The following UTRN variants were observed in gnomAD, a reference collection of about 807,000 sequenced individuals.
UTRN encodes the protein dystrophin-related protein 1.
UTRN carries 283 observed loss-of-function variants against 463.9 expected under a neutral mutation model. The ratio of observed to expected loss-of-function variants is 0.61; its 90% CI spans 0.55 to 0.67. The LOEUF (loss-of-function observed/expected upper bound fraction) is 0.67. Ranked by LOEUF, UTRN falls within the 30% of genes least tolerant of loss-of-function variation. The probability of loss-of-function intolerance (pLI) is 0.00; values close to 1 mark genes in which losing one functional copy is unlikely to be tolerated. For missense variants in UTRN, 3,922 were observed against 4,084.3 expected (o/e 0.96, Z 1.08); for synonymous variants, 1,442 against 1,431.5 (o/e 1.01, Z -0.17).
chr6:144,353,115 C>T (rs1215609533), intron 2 of UTRN, among the ~76,000 whole-genome samples: 3 of 151,506 alleles, frequency 2.0e-5, no homozygotes, highest in Non-Finnish European at 4.4e-5. Flanking sequence ...GCTCATTTTT[C>T]GGATTTTTTT....
chr6:144,448,627 A>T lies in UTRN; in HGVS notation c.1930A>T (p.Met644Leu). Residue 644 changes from methionine (M) to leucine (L), a missense_variant, in exon 17 of 75, where the codon ATG becomes TTG. Coordinates refer to ENST00000367545, the MANE Select transcript of UTRN (RefSeq NM_007124.3). ...GACTCAGGCTGTAGCAAAGCTGGGG[A>T]TGTCTCAGATTCCTCAGAAGGACCT... ...QVTQAVAKLG[M>L]SQIPQKDLLE... 6.2e-7 allele frequency: 1 copy of T among 1,613,974 alleles called. No individual in the cohort carries two copies. Among genetic ancestry groups the T allele is most frequent in the East Asian group, 2.2e-5 (1 of 44,868 alleles).
At chr6:144,525,319 C>G (rs982206747) in intron 41 of UTRN, among the ~76,000 whole-genome samples, 1 of 151,508 alleles carries the variant, frequency 6.6e-6, no homozygotes, top group African/African-American at 2.4e-5. Flanking sequence ...GGGTCCTGGG[C>G]TTTTTTTTGC....
At chr6:144,357,644 A>G (rs1584423338) in intron 2 of UTRN, among the ~76,000 whole-genome samples, 1 of 152,248 alleles carries the variant, frequency 6.6e-6, no homozygotes, top group East Asian at 1.9e-4. Flanking sequence ...GGATCAGATA[A>G]AAATCCCCCC....
At chr6:144,590,691 G>A (rs1214313859) in intron 51 of UTRN, among the ~76,000 whole-genome samples, 2 of 152,078 alleles carry the variant, frequency 1.3e-5, no homozygotes, top group Non-Finnish European at 2.9e-5. Flanking sequence ...AATTTTAGTC[G>A]TTCACACGAG....
At chr6:144,346,691 T>C (rs1302186203) in intron 2 of UTRN, among the ~76,000 whole-genome samples, 2 of 151,734 alleles carry the variant, frequency 1.3e-5, no homozygotes, top group Admixed American at 6.6e-5. Context: ...GGTGTGGTGG[T>C]GGGTGCCTGA....
chr6:144,679,670 G>A (rs1782011298), intron 52 of UTRN, among the ~76,000 whole-genome samples: 1 of 152,268 alleles, frequency 6.6e-6, no homozygotes, highest in Middle Eastern at 3.4e-3. Context: ...AAAGCATCTA[G>A]TTAAGTATTT....
chr6:144,603,749 C>CT (rs1158203614), intron 51 of UTRN, among the ~76,000 whole-genome samples: 1 of 151,966 alleles, frequency 6.6e-6, no homozygotes, highest in Non-Finnish European at 1.5e-5. Context: ...TTAAAAATAC[C>CT]TAGTCATTGA....
At chr6:144,605,585 T>C (rs2128639077) in intron 51 of UTRN, among the ~76,000 whole-genome samples, 1 of 152,044 alleles carries the variant, frequency 6.6e-6, no homozygotes, top group African/African-American at 2.4e-5. Flanking sequence ...AGTGAATCAA[T>C]ATTCTGTTTA....
In UTRN at chr6:144,514,637, T is replaced by C. The variant is rs1795458383; in HGVS notation, c.5074-13T>C. ...TTTTCCCATGAGATAATTTTGTGTT[T>C]TCTTATAATTAGCGTTTAGTATCTG... On this transcript the variant is annotated splice_polypyrimidine_tract_variant and intron_variant, in intron 36 of 74. Coordinates refer to ENST00000367545, the MANE Select transcript of UTRN (RefSeq NM_007124.3). 6.2e-7 allele frequency: 1 copy of C among 1,611,034 alleles called. No homozygotes were observed. The highest frequency in any genetic ancestry group is 2.2e-5 in the East Asian group (1 of 44,860).
At chr6:144,772,901 C>T (rs770759969) in intron 59 of UTRN, among the ~76,000 whole-genome samples, 3 of 151,572 alleles carry the variant, frequency 2.0e-5, no homozygotes, top group Non-Finnish European at 4.4e-5. Flanking sequence ...AAACAGCACC[C>T]GAAGCCTCCC....
At chr6:144,727,772 AAAAC>A (rs1206116369) in intron 53 of UTRN, among the ~76,000 whole-genome samples, 9 of 152,002 alleles carry the variant, frequency 5.9e-5, no homozygotes, top group African/African-American at 1.7e-4. Context: ...CTCAAAAAAC[AAAAC>A]AAACAAACAA....
At chr6:144,711,410 C>T (rs900413488) in intron 53 of UTRN, among the ~76,000 whole-genome samples, 1 of 151,906 alleles carries the variant, frequency 6.6e-6, no homozygotes, top group Non-Finnish European at 1.5e-5. Flanking sequence ...TGACTTCAAT[C>T]GAATTTTTAG....
chr6:144,792,124 G>T (rs1473345421), intron 62 of UTRN, among the ~76,000 whole-genome samples: 2 of 152,096 alleles, frequency 1.3e-5, no homozygotes, highest in African/African-American at 2.4e-5. Flanking sequence ...CATTGAATTT[G>T]CTTTCCCTAT....
intron 54 of UTRN, among the ~76,000 whole-genome samples, chr6:144,732,277 T>TATATATACAC (rs1788740544): frequency 1.1e-5 from 1 of 88,744 alleles, no homozygotes; most frequent in African/African-American, 5.0e-5. Flanking sequence ...TATATATATA[T>TATATATACAC]ACACACATAT....
intron 30 of UTRN, among the ~76,000 whole-genome samples, chr6:144,489,588 T>C (rs1028971624): frequency 6.6e-6 from 1 of 152,158 alleles, no homozygotes; most frequent in Non-Finnish European, 1.5e-5. Context: ...AGTCATACCA[T>C]GCAGTGGGCC....
At chr6:144,587,545 T>A (rs1234998956) in intron 51 of UTRN, among the ~76,000 whole-genome samples, 1 of 152,198 alleles carries the variant, frequency 6.6e-6, no homozygotes, top group East Asian at 1.9e-4. Context: ...CATCTACATG[T>A]ACAGCTCCCT....
chr6:144,478,084 T>G (rs1791439632), intron 25 of UTRN, among the ~76,000 whole-genome samples: 1 of 152,252 alleles, frequency 6.6e-6, no homozygotes, highest in South Asian at 2.1e-4. Flanking sequence ...GTACAAATGT[T>G]GAAGTAGTTT....
intron 68 of UTRN, among the ~76,000 whole-genome samples, chr6:144,827,882 T>C (rs1376662675): frequency 6.6e-6 from 1 of 152,176 alleles, no homozygotes; most frequent in Non-Finnish European, 1.5e-5. Context: ...CTATGAAAAG[T>C]AAACCTAACC....
chr6:144,543,116 T>C (rs1323582247), intron 46 of UTRN, among the ~76,000 whole-genome samples: 1 of 152,224 alleles, frequency 6.6e-6, no homozygotes, highest in Non-Finnish European at 1.5e-5. Flanking sequence ...CAGTGCTACC[T>C]GGGCATCCAC....
Sources: gnomAD v4.1 joint callset for allele counts (sites outside exome capture counted in the v4.1 genomes callset) on GRCh38, gnomAD v4.1.1 for gene constraint, MANE v1.5 for transcripts, NCBI Gene and HGNC (gene_info 2026-07-23, HGNC 2026-07-21) for gene names.